The following DPF3 variants were observed in gnomAD, a reference collection of about 807,000 sequenced individuals.
DPF3 encodes double PHD fingers 3, also known as zinc finger protein DPF3.
In DPF3, 18 loss-of-function variants were observed where a neutral mutation model predicts 56.8. The observed-to-expected ratio is 0.32, with a 90% CI of 0.22 to 0.47. DPF3 has a LOEUF of 0.47. DPF3 is among the 20% of genes least tolerant of loss of function. The pLI, the probability that DPF3 is intolerant of heterozygous loss-of-function variation, is 1.00. For missense variants in DPF3, 403 were observed against 488.8 expected, an observed-to-expected ratio of 0.82 and a Z score of 1.65; for synonymous variants, 188 against 180.2, an observed-to-expected ratio of 1.04 and a Z score of -0.35.
In DPF3 at chr14:72,857,021, C is replaced by T. The variant is rs563127388; in HGVS notation, c.32+37036G>A. 2.0e-5 allele frequency among the ~76,000 whole-genome samples: 3 copies of T among 152,284 alleles called. No homozygotes were observed. The East Asian group carries it at 5.8e-4, about 29-fold the overall frequency. On this transcript the variant is annotated intron_variant, in intron 1 of 10. Transcript: ENST00000556509. ...TGCTTCCAGCAGATTCCATTAGTGACCTGACAGACCAAGGGCCTGGAGGAG... is the reference window on the plus strand; with the variant it reads ...TGCTTCCAGCAGATTCCATTAGTGATCTGACAGACCAAGGGCCTGGAGGAG...
intron 6 of DPF3, among the ~76,000 whole-genome samples, chr14:72,698,392 G>C (rs1888003270): frequency 6.6e-6 from 1 of 152,224 alleles, no homozygotes; most frequent in African/African-American, 2.4e-5. Flanking sequence ...TTCAAAGTAG[G>C]CTAGGGCTGG....
chr14:72,669,730 C>T (rs1350187360), intron 8 of DPF3, among the ~76,000 whole-genome samples: 1 of 152,140 alleles, frequency 6.6e-6, no homozygotes, highest in Non-Finnish European at 1.5e-5. Flanking sequence ...AAGCAAGACT[C>T]AGATCACACA....
At chr14:72,760,775 A>T (rs1306076922) in intron 2 of DPF3, among the ~76,000 whole-genome samples, 1 of 152,186 alleles carries the variant, frequency 6.6e-6, no homozygotes. Context: ...ACCCCTACTT[A>T]AAAAAGATTG....
rs1321407531 is a variant in DPF3, at chr14:72,670,575, T to C, written c.871+3665A>G. The C allele has an allele frequency of 5.1e-6, 5 of 987,046 alleles. No homozygotes were observed. The East Asian group carries it at 5.7e-4, about 112-fold the overall frequency. The allele number at this position is 987,046 out of a possible 1,614,324, so 61.1% of individuals were successfully genotyped here. On this transcript the variant is annotated intron_variant, in intron 8 of 10. Transcript: ENST00000556509. ...GTGCAACCGTCTCCCATTGAGGAAA[T>C]TCTCCCCACCGGGCGGCTTGCCTCT...
intron 1 of DPF3, among the ~76,000 whole-genome samples, chr14:72,889,342 T>C (rs950441353): frequency 6.6e-6 from 1 of 152,194 alleles, no homozygotes; most frequent in Admixed American, 6.5e-5. Flanking sequence ...AAAAATAATG[T>C]GTGCTAATGA....
chr14:72,624,727 A>T (rs1319986235), intron 9 of DPF3, among the ~76,000 whole-genome samples: 1 of 152,150 alleles, frequency 6.6e-6, no homozygotes, highest in Non-Finnish European at 1.5e-5. Context: ...TCAATCTGTG[A>T]CAGTTCCTCA....
chr14:72,729,303 G>T (rs118004283), intron 4 of DPF3, among the ~76,000 whole-genome samples: 4,342 of 152,244 alleles, frequency 0.029, 82 homozygotes, highest in Non-Finnish European at 0.039. Context: ...TGAAGAAGGT[G>T]AGGGTGAGAG....
intron 1 of DPF3, among the ~76,000 whole-genome samples, chr14:72,882,689 C>T (rs1460769273): frequency 6.6e-6 from 1 of 152,184 alleles, no homozygotes; most frequent in Non-Finnish European, 1.5e-5. Flanking sequence ...GATGGTTCTG[C>T]ATTGGCTAAG....
At chr14:72,737,224 C>T (rs980674602) in intron 3 of DPF3, among the ~76,000 whole-genome samples, 7 of 150,912 alleles carry the variant, frequency 4.6e-5, no homozygotes, top group African/African-American at 1.7e-4. Flanking sequence ...AAAAACCACA[C>T]ACACACACAG....
chr14:72,768,225 A>G (rs905245601), intron 2 of DPF3, among the ~76,000 whole-genome samples: 1 of 152,226 alleles, frequency 6.6e-6, no homozygotes, highest in Non-Finnish European at 1.5e-5. Flanking sequence ...ACAACGAAGG[A>G]GTAAAAATAT....
At chr14:72,857,714 G>A (rs1885222677) in intron 1 of DPF3, among the ~76,000 whole-genome samples, 1 of 152,010 alleles carries the variant, frequency 6.6e-6, no homozygotes, top group Non-Finnish European at 1.5e-5. Context: ...AGCCTCCCGA[G>A]CAGCTGGGAC....
At chr14:72,745,311 C>T (rs898969733) in intron 3 of DPF3, among the ~76,000 whole-genome samples, 3 of 152,046 alleles carry the variant, frequency 2.0e-5, no homozygotes, top group Non-Finnish European at 2.9e-5. Flanking sequence ...ATATCTTTAA[C>T]ATCTCTCCAT....
chr14:72,873,503 A>T (rs1488360937), intron 1 of DPF3, among the ~76,000 whole-genome samples: 1 of 152,242 alleles, frequency 6.6e-6, no homozygotes, highest in Non-Finnish European at 1.5e-5. Context: ...ACCATTGTGG[A>T]AGTCAGTGTG....
chr14:72,820,211 T>C (rs1017088717), intron 1 of DPF3, among the ~76,000 whole-genome samples: 1 of 152,276 alleles, frequency 6.6e-6, no homozygotes, highest in Non-Finnish European at 1.5e-5. Flanking sequence ...CTGGGGAAAA[T>C]ATTTGCCACA....
At chr14:72,643,432 G>T (rs894496080) in intron 8 of DPF3, among the ~76,000 whole-genome samples, 1 of 152,214 alleles carries the variant, frequency 6.6e-6, no homozygotes, top group African/African-American at 2.4e-5. Context: ...ATCTGGCAGT[G>T]ACTAATCCTG....
intron 1 of DPF3, among the ~76,000 whole-genome samples, chr14:72,870,786 GT>G (rs1194895621): frequency 6.6e-6 from 1 of 152,132 alleles, no homozygotes; most frequent in Non-Finnish European, 1.5e-5. Context: ...CATTAAAAGG[GT>G]AACGAGGCTG....
chr14:72,892,117 A>G, intron 1 of DPF3: 1 of 1,518,350 alleles, frequency 6.6e-7, no homozygotes, highest in African/African-American at 1.4e-5. Context: ...CCGGGTAACT[A>G]GGGTACGGCT....
At chr14:72,648,692 C>A (rs1156508784) in intron 8 of DPF3, among the ~76,000 whole-genome samples, 1 of 152,148 alleles carries the variant, frequency 6.6e-6, no homozygotes, top group Non-Finnish European at 1.5e-5. Context: ...GGTCTCAGCT[C>A]CTAACCCAAA....
Position 72,668,041 on chromosome 14 carries a change from G to A in DPF3, c.871+6199C>T, listed in dbSNP as rs138161112. On this transcript the variant is annotated intron_variant, in intron 8 of 10. Transcript: ENST00000556509. Reference sequence around the variant, plus strand: ...ACACCTATCTCATGGGAGTAGTCATGAGGATTAAGTGAAATATTCCAAGGA... The same window carrying A: ...ACACCTATCTCATGGGAGTAGTCATAAGGATTAAGTGAAATATTCCAAGGA... 6.5e-3 allele frequency among the ~76,000 whole-genome samples: 997 copies of A among 152,286 alleles called. 5 individuals are homozygous for A. Among genetic ancestry groups the A allele is most frequent in the Middle Eastern group, 0.014 (4 of 294 alleles).
Sources: allele counts gnomAD v4.1 joint callset (sites outside exome capture counted in the v4.1 genomes callset), GRCh38; gene constraint gnomAD v4.1.1; transcripts MANE v1.5; gene names NCBI Gene and HGNC (gene_info 2026-07-23, HGNC 2026-07-21).